NDUFAF6: variants seen among roughly 807,000 people sequenced by gnomAD.
NDUFAF6 encodes the protein NADH:ubiquinone oxidoreductase complex assembly factor 6.
A neutral mutation model predicts 40.8 loss-of-function variants in NDUFAF6; 45 were observed. The observed-to-expected ratio is 1.10, with a 90% CI of 0.87 to 1.42. NDUFAF6 has a LOEUF of 1.42. Among genes scored for constraint, NDUFAF6 ranks in the 40% most tolerant of loss-of-function variants. NDUFAF6 has a pLI of 0.00. For missense variants in NDUFAF6, 435 were observed against 418.5 expected, an observed-to-expected ratio of 1.04 and a Z score of -0.34; for synonymous variants, 185 against 155.9, an observed-to-expected ratio of 1.19 and a Z score of -1.39.
At chr8:95,070,227 G>A (rs764365586) in intron 9 of NDUFAF6, among the ~76,000 whole-genome samples, 2 of 152,072 alleles carry the variant, frequency 1.3e-5, no homozygotes, top group Non-Finnish European at 2.9e-5. Context: ...TAACCTCTCC[G>A]TGCCTTCATT....
At chr8:94,916,622 T>C (rs1290851997) in intron 1 of NDUFAF6, among the ~76,000 whole-genome samples, 1 of 151,484 alleles carries the variant, frequency 6.6e-6, no homozygotes, top group African/African-American at 2.4e-5. Flanking sequence ...GAGACCAGCC[T>C]GGCCAATATG....
chr8:95,030,917 A>G lies in NDUFAF6; in HGVS notation c.198-1078A>G, dbSNP rs368795940. Among the ~76,000 whole-genome samples the G allele has an allele frequency of 9.2e-5, 14 of 152,352 alleles. No homozygotes were observed. In the East Asian group the frequency reaches 1.5e-3, roughly 17 times the overall value. On this transcript the variant is annotated intron_variant, in intron 1 of 8. Coordinates refer to ENST00000396124, the MANE Select transcript of NDUFAF6 (RefSeq NM_152416.4). The stretch of plus-strand genomic sequence containing the variant: ...GAAGACGAAGGGGAGCAGGTGTATC[A>G]CATGGCAAGAGAGGAAGCAAAAGAG...
upstream of NDUFAF6, among the ~76,000 whole-genome samples, chr8:95,022,588 C>CAAAAA (rs77755094): frequency 9.0e-6 from 1 of 111,350 alleles, no homozygotes. Context: ...TTTACCCCTC[C>CAAAAA]AAAAAAAAAA....
chr8:94,948,388 G>T (rs1256139513), intron 2 of NDUFAF6, among the ~76,000 whole-genome samples: 1 of 152,184 alleles, frequency 6.6e-6, no homozygotes, highest in Non-Finnish European at 1.5e-5. Flanking sequence ...CATAGTATAT[G>T]GCACATACTC....
chr8:94,978,359 C>T (rs1825141619), intron 1 of NDUFAF6, among the ~76,000 whole-genome samples: 1 of 152,320 alleles, frequency 6.6e-6, no homozygotes, highest in African/African-American at 2.4e-5. Context: ...CACTTTTGGA[C>T]TCACTCTATG....
chr8:94,935,177 A>AGATAGATAG, intron 1 of NDUFAF6, among the ~76,000 whole-genome samples: 1 of 152,184 alleles, frequency 6.6e-6, no homozygotes, highest in African/African-American at 2.4e-5. Flanking sequence ...AGATAGATAT[A>AGATAGATAG]ATACAATACT....
At chr8:94,896,148 G>A (rs1419428157) in intron 1 of NDUFAF6, among the ~76,000 whole-genome samples, 1 of 152,028 alleles carries the variant, frequency 6.6e-6, no homozygotes. Context: ...ACCCCTCTCC[G>A]GAGCGGGGCC....
downstream of NDUFAF6, chr8:95,116,483 G>C (rs980368703): frequency 6.6e-6 from 1 of 152,210 alleles, no homozygotes; most frequent in Non-Finnish European, 1.5e-5. Flanking sequence ...CCCCCAAGTA[G>C]CTGGGACTAC....
intron 1 of NDUFAF6, among the ~76,000 whole-genome samples, chr8:94,960,497 A>G (rs1586813433): frequency 2.0e-5 from 3 of 152,218 alleles, no homozygotes. Flanking sequence ...TGTGGAACTA[A>G]TGAACAAGGA....
intron 1 of NDUFAF6, among the ~76,000 whole-genome samples, chr8:94,958,361 G>T: frequency 6.6e-6 from 1 of 151,944 alleles, no homozygotes; most frequent in South Asian, 2.1e-4. Flanking sequence ...CTTGGCTTGT[G>T]GATGGCTGTC....
chr8:94,900,419 A>G (rs569107633), intron 1 of NDUFAF6, among the ~76,000 whole-genome samples: 17 of 152,268 alleles, frequency 1.1e-4, no homozygotes, highest in Middle Eastern at 3.4e-3. Flanking sequence ...GAGTCTAGGT[A>G]GATGAGCCTC....
At chr8:94,909,249 G>A (rs1362601306) in intron 1 of NDUFAF6, among the ~76,000 whole-genome samples, 4 of 150,358 alleles carry the variant, frequency 2.7e-5, no homozygotes, top group East Asian at 1.9e-4. Context: ...CTTGGGAGGC[G>A]GAGGCAGGAG....
intron 1 of NDUFAF6, among the ~76,000 whole-genome samples, chr8:94,977,162 G>C (rs1825027304): frequency 7.0e-6 from 1 of 143,228 alleles, no homozygotes; most frequent in Admixed American, 7.0e-5. Flanking sequence ...AAAAAAAAAA[G>C]GTTAAGATGG....
chr8:94,942,507 T>C (rs1193787299), intron 1 of NDUFAF6, among the ~76,000 whole-genome samples: 1 of 152,214 alleles, frequency 6.6e-6, no homozygotes, highest in Non-Finnish European at 1.5e-5. Context: ...ACAGTCTCCC[T>C]GATCCTACTC....
At chr8:94,941,060 A>T in intron 1 of NDUFAF6, 1 of 686,814 alleles carries the variant, frequency 1.5e-6, no homozygotes, top group Non-Finnish European at 2.5e-6. Flanking sequence ...TGCTTATTCA[A>T]CTTAGGTGAA....
Position 95,082,819 on chromosome 8 carries a change from C to T in NDUFAF6, n.213+7067C>T, listed in dbSNP as rs571244622. ...GGACTACAGGCGCCCGCCACTACGC[C>T]CGGCTAATTTTTTGTATTTTTTAGT... On this transcript the variant is annotated intron_variant and non_coding_transcript_variant, in intron 2 of 5. Coordinates refer to the NDUFAF6 transcript ENST00000523184. Among the ~76,000 whole-genome samples the T allele has an allele frequency of 2.4e-3, 359 of 152,208 alleles. 2 individuals are homozygous for T. The highest frequency in any genetic ancestry group is 6.8e-3 in the Middle Eastern group (2 of 294).
At chr8:94,903,831 C>T (rs959009360) in intron 1 of NDUFAF6, among the ~76,000 whole-genome samples, 6 of 152,196 alleles carry the variant, frequency 3.9e-5, no homozygotes, top group Admixed American at 2.6e-4. Context: ...CTCCTCCCCA[C>T]CCTGTCAACC....
At chr8:94,964,014 T>G (rs1003402955) in intron 1 of NDUFAF6, among the ~76,000 whole-genome samples, 6 of 152,342 alleles carry the variant, frequency 3.9e-5, no homozygotes, top group Non-Finnish European at 8.8e-5. Context: ...CACCCAAGGC[T>G]GTGCTAAAAT....
At chr8:94,998,985 A>G (rs1052374642) in intron 2 of NDUFAF6, among the ~76,000 whole-genome samples, 11 of 152,070 alleles carry the variant, frequency 7.2e-5, no homozygotes, top group African/African-American at 2.7e-4. Context: ...CTTGACCACA[A>G]TCCAGTTAAG....
Sources: gnomAD v4.1 joint callset for allele counts (sites outside exome capture counted in the v4.1 genomes callset) on GRCh38, gnomAD v4.1.1 for gene constraint, MANE v1.5 for transcripts, NCBI Gene and HGNC (gene_info 2026-07-23, HGNC 2026-07-21) for gene names.